Variants in PRR16 observed in about 807,000 individuals in gnomAD.
PRR16 encodes protein Largen.
A neutral mutation model predicts 18.2 loss-of-function variants in PRR16; 6 were observed. The ratio of observed to expected loss-of-function variants is 0.33; its 90% CI spans 0.18 to 0.65. The LOEUF (loss-of-function observed/expected upper bound fraction) is 0.65, where lower values mean the gene tolerates loss of function less well. Ranked by LOEUF, PRR16 falls within the 30% of genes least tolerant of loss-of-function variation. The pLI, the probability that PRR16 is intolerant of heterozygous loss-of-function variation, is 0.74. For synonymous variants in PRR16, 151 were observed against 147.8 expected (o/e 1.02, Z -0.16); for missense variants, 412 against 376.6 (o/e 1.09, Z -0.78).
intron 1 of PRR16, among the ~76,000 whole-genome samples, chr5:120,475,130 C>T (rs574760772): frequency 6.6e-6 from 1 of 152,236 alleles, no homozygotes; most frequent in South Asian, 2.1e-4. Flanking sequence ...CTCATAGCCA[C>T]CCTTTGAGGT....
intron 1 of PRR16, among the ~76,000 whole-genome samples, chr5:120,684,155 GATT>G (rs1561614897): frequency 6.6e-6 from 1 of 152,196 alleles, no homozygotes; most frequent in Non-Finnish European, 1.5e-5. Context: ...CTGGATTTCT[GATT>G]ATTCAGATGT....
chr5:120,651,272 G>A (rs544179753), intron 1 of PRR16, among the ~76,000 whole-genome samples: 17 of 152,260 alleles, frequency 1.1e-4, no homozygotes, highest in Admixed American at 9.8e-4. Flanking sequence ...CTCCCATTCT[G>A]TAGGTTGCCT....
chr5:120,606,392 G>A (rs1168101588), intron 1 of PRR16, among the ~76,000 whole-genome samples: 1 of 150,518 alleles, frequency 6.6e-6, no homozygotes. Flanking sequence ...TTTCAAATAT[G>A]TATTTTTTAA....
At chr5:120,588,536 C>T (rs1753527181) in intron 1 of PRR16, among the ~76,000 whole-genome samples, 1 of 152,130 alleles carries the variant, frequency 6.6e-6, no homozygotes, top group African/African-American at 2.4e-5. Context: ...GCTCAGATGA[C>T]CATTAACATT....
Position 120,561,622 on chromosome 5 carries a change from A to G in PRR16, c.159+96977A>G, listed in dbSNP as rs145646417. Among the ~76,000 whole-genome samples the G allele has an allele frequency of 4.6e-5, 7 of 152,238 alleles. No individual in the cohort carries two copies. In the East Asian group the frequency reaches 9.7e-4, roughly 21 times the overall value. Reference sequence around the variant, plus strand: ...TGGATAAAATGTTATGTAAATGTCTATGATATGGTTTGGCTCTGTGTCCCC... The same window carrying G: ...TGGATAAAATGTTATGTAAATGTCTGTGATATGGTTTGGCTCTGTGTCCCC... On this transcript the variant is annotated intron_variant, in intron 1 of 1. Transcript: ENST00000407149.
At chr5:120,501,883 C>A (rs1045085435) in intron 1 of PRR16, among the ~76,000 whole-genome samples, 14 of 134,044 alleles carry the variant, frequency 1.0e-4, no homozygotes, top group Non-Finnish European at 1.2e-4. Context: ...GTGAACCTGG[C>A]AGGAGGAGCT....
chr5:120,670,765 A>G (rs1756574413), intron 1 of PRR16, among the ~76,000 whole-genome samples: 3 of 152,154 alleles, frequency 2.0e-5, no homozygotes, highest in African/African-American at 2.4e-5. Context: ...GGTATTCTCA[A>G]GTTGTGGAGG....
At chr5:120,708,080 A>AT in the PRR16 span, among the ~76,000 whole-genome samples, 1 of 152,218 alleles carries the variant, frequency 6.6e-6, no homozygotes, top group Non-Finnish European at 1.5e-5. Flanking sequence ...ATTTGTCTTG[A>AT]TTTTTAATGT....
chr5:120,642,340 A>G (rs1755449813), intron 1 of PRR16, among the ~76,000 whole-genome samples: 1 of 151,820 alleles, frequency 6.6e-6, no homozygotes, highest in Non-Finnish European at 1.5e-5. Flanking sequence ...TTTTATTCCA[A>G]TTACATGGAA....
chr5:120,673,796 CA>C (rs923995619), intron 1 of PRR16, among the ~76,000 whole-genome samples: 26 of 150,340 alleles, frequency 1.7e-4, no homozygotes, highest in Admixed American at 1.1e-3. Context: ...AAATAAAAAA[CA>C]AAAAAAAATT....
the PRR16 span, among the ~76,000 whole-genome samples, chr5:120,768,913 GTCAT>G: frequency 6.6e-6 from 1 of 151,556 alleles, no homozygotes; most frequent in South Asian, 2.1e-4. Context: ...TTAAAACGAT[GTCAT>G]TCATTATCTC....
At chr5:120,754,132 C>T in the PRR16 span, among the ~76,000 whole-genome samples, 1 of 22,262 alleles carries the variant, frequency 4.5e-5, no homozygotes. Flanking sequence ...TAAAAATATT[C>T]CGCTTAATAT....
At chr5:120,651,162 T>C (rs1282766432) in intron 1 of PRR16, among the ~76,000 whole-genome samples, 1 of 152,144 alleles carries the variant, frequency 6.6e-6, no homozygotes, top group Non-Finnish European at 1.5e-5. Context: ...TTCGCCCACT[T>C]TTTGATGGGG....
At chr5:120,612,899 C>G (rs1428475154) in intron 1 of PRR16, among the ~76,000 whole-genome samples, 1 of 152,056 alleles carries the variant, frequency 6.6e-6, no homozygotes, top group African/African-American at 2.4e-5. Flanking sequence ...TCCCTTGAGA[C>G]TGGGCACTCA....
intron 1 of PRR16, among the ~76,000 whole-genome samples, chr5:120,578,770 G>A (rs550158281): frequency 7.3e-4 from 111 of 152,100 alleles, no homozygotes; most frequent in African/African-American, 2.7e-3. Context: ...GACAATAATG[G>A]GATTGCTGGG....
At chr5:120,750,869 A>C in the PRR16 span, among the ~76,000 whole-genome samples, 1 of 152,116 alleles carries the variant, frequency 6.6e-6, no homozygotes, top group African/African-American at 2.4e-5. Flanking sequence ...ATCATTGTTA[A>C]CTGTGGTCAC....
chr5:120,627,622 T>TG (rs1754910129), intron 1 of PRR16, among the ~76,000 whole-genome samples: 1 of 152,002 alleles, frequency 6.6e-6, no homozygotes, highest in Non-Finnish European at 1.5e-5. Flanking sequence ...TTAAGCTTTG[T>TG]GAAAAAAAAT....
intron 1 of PRR16, among the ~76,000 whole-genome samples, chr5:120,494,501 A>AGT (rs1750177861): frequency 6.6e-6 from 1 of 152,030 alleles, no homozygotes; most frequent in Admixed American, 6.6e-5. Context: ...TTATTTATAT[A>AGT]TCTGATATTA....
the PRR16 span, among the ~76,000 whole-genome samples, chr5:120,749,155 T>C: frequency 6.6e-6 from 1 of 152,082 alleles, no homozygotes; most frequent in Non-Finnish European, 1.5e-5. Context: ...AAAGCAACGT[T>C]AAACTCATTT....
Sources: allele counts gnomAD v4.1 joint callset (sites outside exome capture counted in the v4.1 genomes callset), GRCh38; gene constraint gnomAD v4.1.1; transcripts MANE v1.5; gene names NCBI Gene and HGNC (gene_info 2026-07-23, HGNC 2026-07-21).